The following RANBP2 variants were observed in gnomAD, a reference collection of about 807,000 sequenced individuals.
RANBP2 encodes E3 SUMO-protein ligase RanBP2.
In RANBP2, 57 loss-of-function variants were observed where a neutral mutation model predicts 303.6. That is an observed-to-expected ratio of 0.19 (90% CI 0.15 to 0.23). RANBP2 has a LOEUF of 0.23. Among genes scored for constraint, RANBP2 ranks in the 10% least tolerant of loss-of-function variants. The probability of loss-of-function intolerance (pLI) is 1.00; values close to 1 mark genes in which losing one functional copy is unlikely to be tolerated. For missense variants in RANBP2, 3,138 were observed against 3,780.8 expected (o/e 0.83, Z 4.46); for synonymous variants, 1,167 against 1,301.5 (o/e 0.90, Z 2.23).
the RANBP2 span, among the ~76,000 whole-genome samples, chr2:108,994,877 C>A: frequency 4.8e-5 from 7 of 144,642 alleles, no homozygotes; most frequent in East Asian, 1.4e-3. Context: ...TCGCCCAGGC[C>A]GGAGTGCAGT....
chr2:109,238,065 G>T, the RANBP2 span, among the ~76,000 whole-genome samples: 1 of 152,158 alleles, frequency 6.6e-6, no homozygotes, highest in Non-Finnish European at 1.5e-5. Flanking sequence ...AATTAGCCAA[G>T]CATGGTGGCA....
chr2:109,351,939 G>A, the RANBP2 span, among the ~76,000 whole-genome samples: 1 of 152,180 alleles, frequency 6.6e-6, no homozygotes, highest in African/African-American at 2.4e-5. Flanking sequence ...AATTAACCTA[G>A]CATTAATTCC....
the RANBP2 span, among the ~76,000 whole-genome samples, chr2:109,546,598 G>T: frequency 5.3e-5 from 8 of 150,678 alleles, no homozygotes; most frequent in Non-Finnish European, 1.2e-4. Flanking sequence ...AGTATAGAAA[G>T]AAATTACCAG....
the RANBP2 span, chr2:109,501,391 G>C: frequency 8.8e-6 from 5 of 565,314 alleles, no homozygotes; most frequent in Non-Finnish European, 1.6e-5. Flanking sequence ...ATTGTATAAA[G>C]TGGGAAAATA....
chr2:108,990,326 G>T, the RANBP2 span, among the ~76,000 whole-genome samples: 58 of 151,616 alleles, frequency 3.8e-4, no homozygotes, highest in African/African-American at 1.4e-3. Flanking sequence ...AGCTACTCGG[G>T]AGGCTGAGGC....
At chr2:108,836,546 T>C in the RANBP2 span, among the ~76,000 whole-genome samples, 1 of 152,348 alleles carries the variant, frequency 6.6e-6, no homozygotes, top group South Asian at 2.1e-4. Flanking sequence ...GATCATTTGA[T>C]AGTTCTATTT....
intron 18 of RANBP2, among the ~76,000 whole-genome samples, chr2:108,759,046 A>T (rs2149256657): frequency 6.7e-6 from 1 of 149,426 alleles, no homozygotes; most frequent in African/African-American, 2.5e-5. Flanking sequence ...TAGCTGTGTA[A>T]GATAACCTGT....
At chr2:108,893,347 C>T in the RANBP2 span, among the ~76,000 whole-genome samples, 1 of 152,110 alleles carries the variant, frequency 6.6e-6, no homozygotes, top group Admixed American at 6.5e-5. Flanking sequence ...TCAAGTAGAC[C>T]TAGCCTGAGA....
At chr2:109,568,075 T>A in the RANBP2 span, 1 of 926,308 alleles carries the variant, frequency 1.1e-6, no homozygotes, top group Non-Finnish European at 1.6e-6. Flanking sequence ...ACAATGAATT[T>A]CCCTAAACCT....
chr2:108,753,643 T>G, intron 14 of RANBP2, 80 bp downstream of exon 14: 2 of 1,593,266 alleles, frequency 1.3e-6, no homozygotes, highest in Admixed American at 1.7e-5. Context: ...TCTCTGTTGG[T>G]CGGGCTAGAG....
chr2:109,073,095 A>C, the RANBP2 span, among the ~76,000 whole-genome samples: 1 of 152,212 alleles, frequency 6.6e-6, no homozygotes, highest in Non-Finnish European at 1.5e-5. Flanking sequence ...ACCCAAACAG[A>C]ATGGAGATAT....
the RANBP2 span, among the ~76,000 whole-genome samples, chr2:108,920,037 A>T: frequency 6.6e-6 from 1 of 152,146 alleles, no homozygotes; most frequent in Admixed American, 6.5e-5. Context: ...AAGTGGCACC[A>T]TGTCCACATG....
chr2:108,972,621 A>C, the RANBP2 span, among the ~76,000 whole-genome samples: 2 of 152,266 alleles, frequency 1.3e-5, no homozygotes, highest in Non-Finnish European at 2.9e-5. Flanking sequence ...GTGTCTGCAC[A>C]AGGGTGACGG....
At chr2:109,690,270 G>A in the RANBP2 span, among the ~76,000 whole-genome samples, 2 of 152,188 alleles carry the variant, frequency 1.3e-5, no homozygotes, top group Non-Finnish European at 2.9e-5. Flanking sequence ...TAAGATGAAC[G>A]TTGGTTCGGT....
chr2:108,729,636 C>G (rs1242542935), intron 2 of RANBP2, among the ~76,000 whole-genome samples: 1 of 151,580 alleles, frequency 6.6e-6, no homozygotes, highest in Admixed American at 6.6e-5. Flanking sequence ...CTCTAAGGCT[C>G]TATCCTAGGG....
chr2:109,509,069 C>T, the RANBP2 span, among the ~76,000 whole-genome samples: 1 of 152,224 alleles, frequency 6.6e-6, no homozygotes, highest in African/African-American at 2.4e-5. Flanking sequence ...AGTGCCCATC[C>T]GTCAGGGTCA....
the RANBP2 span, among the ~76,000 whole-genome samples, chr2:109,635,994 T>A: frequency 6.6e-6 from 1 of 152,224 alleles, no homozygotes; most frequent in Non-Finnish European, 1.5e-5. Flanking sequence ...CAGGTCACAG[T>A]GGAGCCCTCA....
the RANBP2 span, among the ~76,000 whole-genome samples, chr2:108,984,690 GTTTT>G: frequency 6.6e-6 from 1 of 150,594 alleles, no homozygotes; most frequent in South Asian, 2.1e-4. Flanking sequence ...TAGTTTGTTT[GTTTT>G]TTTTTCATGG....
the RANBP2 span, among the ~76,000 whole-genome samples, chr2:109,731,440 G>A: frequency 6.6e-6 from 1 of 151,858 alleles, no homozygotes; most frequent in African/African-American, 2.4e-5. Context: ...TGTTGCCCAG[G>A]CTGGAGTGCA....
Sources: gnomAD v4.1 joint callset for allele counts (sites outside exome capture counted in the v4.1 genomes callset) on GRCh38, gnomAD v4.1.1 for gene constraint, MANE v1.5 for transcripts, NCBI Gene and HGNC (gene_info 2026-07-23, HGNC 2026-07-21) for gene names.